Variants in TMEM181 observed in about 807,000 individuals in gnomAD.
TMEM181 encodes the protein transmembrane protein 181.
In TMEM181, 39 loss-of-function variants were observed where a neutral mutation model predicts 71.9. That is an observed-to-expected ratio of 0.54 (90% CI 0.42 to 0.71). The LOEUF (loss-of-function observed/expected upper bound fraction) is 0.71. Among genes scored for constraint, TMEM181 ranks in the 30% least tolerant of loss-of-function variants. The pLI is 0.00. For missense variants in TMEM181, 595 were observed against 583.0 expected (o/e 1.02, Z -0.21); for synonymous variants, 245 against 228.8 (o/e 1.07, Z -0.64).
At chr6:158,585,828 GT>G (rs1783737189) in intron 5 of TMEM181, among the ~76,000 whole-genome samples, 2 of 152,172 alleles carry the variant, frequency 1.3e-5, no homozygotes, top group South Asian at 4.1e-4. Context: ...GGGTTTTTTT[GT>G]TTTATTTTGT....
At chr6:158,607,210 A>G in intron 7 of TMEM181, 34 bp from the exon 8 acceptor site, 1 of 1,577,134 alleles carries the variant, frequency 6.3e-7, no homozygotes, top group Non-Finnish European at 8.7e-7. Flanking sequence ...GGTGTGAGCA[A>G]AGGCAGTAAC....
At chr6:158,589,816 C>T in intron 6 of TMEM181, 34 bp downstream of exon 6, 1 of 1,420,744 alleles carries the variant, frequency 7.0e-7, no homozygotes, top group Non-Finnish European at 9.9e-7. Context: ...GTTTCCATGG[C>T]TCATGTTCTA....
chr6:158,625,141 A>G lies in TMEM181; in HGVS notation c.992A>G (p.Tyr331Cys), dbSNP rs1786201400. ...TTCTTCATGGTGGTGGCAGCGGTGT[A>G]CATTCTGTACCTCTTGTTCTTGATA... ...KVFFMVVAAVYILYLLFLIVR... is the reference protein window; with the variant it reads ...KVFFMVVAAVCILYLLFLIVR... Residue 331 changes from tyrosine to cysteine, a missense_variant, in exon 12 of 17, where the codon TAC (tyrosine) becomes TGC (cysteine). Transcript: ENST00000684151. 1 of 1,614,170 alleles carries G rather than the reference A, an allele frequency of 6.2e-7. No individual in the cohort carries two copies. The highest frequency in any genetic ancestry group is 8.5e-7 in the Non-Finnish European group (1 of 1,180,028).
Position 158,634,923 on chromosome 6 carries a change from G to A in TMEM181, c.*3035G>A, listed in dbSNP as rs1042645478. ...CCCTCATAAAAGGGATAATTAAAAC[G>A]GATGTGTCTGAACATTTAGTGAAGA... On this transcript the variant is annotated 3_prime_UTR_variant, in exon 17 of 17. Transcript: ENST00000684151. The A allele has an allele frequency of 5.3e-5, 8 of 152,012 alleles. No homozygotes were observed. Among genetic ancestry groups the A allele is most frequent in the African/African-American group, 1.4e-4 (6 of 41,402 alleles). The allele number at this position is 152,012 out of a possible 1,614,324, so 9.4% of individuals were successfully genotyped here.
At chr6:158,614,244 C>G (rs1420862227) in intron 10 of TMEM181, among the ~76,000 whole-genome samples, 3 of 152,110 alleles carry the variant, frequency 2.0e-5, no homozygotes, top group Non-Finnish European at 4.4e-5. Flanking sequence ...TTTGGGGAAG[C>G]CTGTTAAATA....
intron 1 of TMEM181, among the ~76,000 whole-genome samples, chr6:158,542,690 C>T (rs1346868851): frequency 6.6e-6 from 1 of 152,084 alleles, no homozygotes; most frequent in African/African-American, 2.4e-5. Flanking sequence ...CTACAACCTA[C>T]ACCTCCTGGG....
Position 158,633,572 on chromosome 6 carries a change from C to T in TMEM181, c.*1684C>T, listed in dbSNP as rs1351085244. 5 of 151,692 alleles carry T rather than the reference C, an allele frequency of 3.3e-5. No individual in the cohort carries two copies. The highest frequency in any genetic ancestry group is 4.2e-4 in the South Asian group (2 of 4,812). 9.4% of individuals were successfully genotyped at this position (151,692 alleles called of 1,614,324 possible). A position where few individuals can be genotyped will look rare whatever the true frequency, so the allele number is the denominator to read the frequency against. ...TCTCAGATTACCATGCAGAGCTTCA[C>T]GTTATCATCCACGTTAAGTAGTGCT... On this transcript the variant is annotated 3_prime_UTR_variant, in exon 17 of 17. Coordinates refer to ENST00000684151, the MANE Select transcript of TMEM181 (RefSeq NM_001376852.1).
chr6:158,607,191 T>G, intron 7 of TMEM181, 53 bp from the exon 8 acceptor site: 1 of 1,462,024 alleles, frequency 6.8e-7, no homozygotes, highest in Non-Finnish European at 9.6e-7. Flanking sequence ...GAGCAAAGGC[T>G]GCAGGCAAGG....
chr6:158,596,214 T>C (rs1344145035), intron 6 of TMEM181, among the ~76,000 whole-genome samples: 1 of 152,202 alleles, frequency 6.6e-6, no homozygotes. Context: ...CCACTGCGCC[T>C]GGCCCAATAC....
chr6:158,595,128 GT>G (rs898833639), intron 6 of TMEM181, among the ~76,000 whole-genome samples: 4 of 152,314 alleles, frequency 2.6e-5, no homozygotes, highest in African/African-American at 9.6e-5. Flanking sequence ...TCAGAAATCA[GT>G]TTTTTGCTGA....
chr6:158,611,992 A>G (rs1161640784), intron 10 of TMEM181, among the ~76,000 whole-genome samples: 1 of 142,692 alleles, frequency 7.0e-6, no homozygotes, highest in African/African-American at 2.7e-5. Flanking sequence ...CCCACCTCCT[A>G]GTCTGCTTTT....
chr6:158,568,887 C>T (rs1257306818), intron 1 of TMEM181, among the ~76,000 whole-genome samples: 1 of 152,202 alleles, frequency 6.6e-6, no homozygotes, highest in Non-Finnish European at 1.5e-5. Context: ...TTGTTTTGCC[C>T]ATGAGCAACA....
At chr6:158,556,554 T>C (rs376293473), upstream of TMEM181, among the ~76,000 whole-genome samples, 9 of 152,344 alleles carry the variant, frequency 5.9e-5, 1 homozygote, top group African/African-American at 2.2e-4. Context: ...GAGTTAATTA[T>C]TCTTGGCTAC....
At chr6:158,612,884 C>G (rs1785413752) in intron 10 of TMEM181, among the ~76,000 whole-genome samples, 1 of 152,166 alleles carries the variant, frequency 6.6e-6, no homozygotes, top group South Asian at 2.1e-4. Context: ...AAAGCAGTTC[C>G]CGCAAGGGTG....
chr6:158,541,105 A>G (rs1781324317), intron 1 of TMEM181, among the ~76,000 whole-genome samples: 1 of 152,048 alleles, frequency 6.6e-6, no homozygotes, highest in African/African-American at 2.4e-5. Flanking sequence ...ATGGAGAGCC[A>G]TGAGGGGTGA....
In TMEM181 at chr6:158,561,720, C is replaced by T. The variant is rs181584012; in HGVS notation, c.8+1488C>T. On this transcript the variant is annotated intron_variant, in intron 1 of 16. Transcript: ENST00000684151. ...CCCGAGGAGGACAAGCAAAACGCAG[C>T]TTGAATTTTGTGCGAGTTTGAGGCC... Among the ~76,000 whole-genome samples, 119 of 152,296 alleles carry T rather than the reference C, an allele frequency of 7.8e-4. 1 individual carries two copies. The highest frequency in any genetic ancestry group is 2.7e-3 in the African/African-American group (112 of 41,564).
intron 1 of TMEM181, among the ~76,000 whole-genome samples, chr6:158,565,988 T>A (rs137951024): frequency 2.0e-5 from 3 of 152,182 alleles, no homozygotes; most frequent in Non-Finnish European, 2.9e-5. Flanking sequence ...TATGTGACTT[T>A]GTATGTTGCG....
chr6:158,607,259 TC>T lies in TMEM181; in HGVS notation c.592del (p.Leu198SerfsTer6). 6.2e-7 allele frequency: 1 copy of T among 1,614,178 alleles called. No individual in the cohort carries two copies. The highest frequency in any genetic ancestry group is 8.5e-7 in the Non-Finnish European group (1 of 1,180,026). On this transcript the variant is annotated frameshift_variant, in exon 8 of 17. Coordinates refer to ENST00000684151, the MANE Select transcript of TMEM181 (RefSeq NM_001376852.1). LOFTEE classifies it high-confidence loss of function. ...TGGTTTGCAGTGCCTGTTTGCGCATTCCCTCCGGAAATTTTCCATGAGAGAC... is the reference window on the plus strand; with the variant it reads ...TGGTTTGCAGTGCCTGTTTGCGCATTCCTCCGGAAATTTTCCATGAGAGAC... ...TFIVTCLFAHSLRKFSMRDWG... is the reference protein window; with the variant it reads ...TFIVTCLFAHXLRKFSMRDWG...
chr6:158,579,296 G>A (rs1371795108), intron 2 of TMEM181, among the ~76,000 whole-genome samples: 1 of 149,694 alleles, frequency 6.7e-6, no homozygotes, highest in South Asian at 2.1e-4. Flanking sequence ...CTTGATATTT[G>A]TACACCCATG....
Sources: gnomAD v4.1 joint callset for allele counts (sites outside exome capture counted in the v4.1 genomes callset) on GRCh38, gnomAD v4.1.1 for gene constraint, MANE v1.5 for transcripts, NCBI Gene and HGNC (gene_info 2026-07-23, HGNC 2026-07-21) for gene names.